Variants in ADGRB3 observed in about 807,000 individuals in gnomAD.
ADGRB3 encodes the protein adhesion G protein-coupled receptor B3.
A neutral mutation model predicts 193.4 loss-of-function variants in ADGRB3; 37 were observed. The observed-to-expected ratio is 0.19, with a 90% CI of 0.15 to 0.25. The LOEUF is 0.25. Among genes scored for constraint, ADGRB3 ranks in the 10% least tolerant of loss-of-function variants. ADGRB3 has a pLI of 1.00. For synonymous variants in ADGRB3, 690 were observed against 644.2 expected (o/e 1.07, Z -1.08); for missense variants, 1,637 against 1,852.9 (o/e 0.88, Z 2.14).
chr6:68,915,139 C>G (rs1766839147), intron 3 of ADGRB3, among the ~76,000 whole-genome samples: 1 of 152,128 alleles, frequency 6.6e-6, no homozygotes, highest in South Asian at 2.1e-4. Context: ...TGTCCTTATA[C>G]TTGAGAGCAT....
chr6:69,303,474 C>T (rs1767994638), intron 20 of ADGRB3, among the ~76,000 whole-genome samples: 1 of 151,774 alleles, frequency 6.6e-6, no homozygotes. Context: ...AGGATGAAGA[C>T]CTTTATGATG....
chr6:68,920,466 C>A (rs929669717), intron 3 of ADGRB3, among the ~76,000 whole-genome samples: 10 of 143,410 alleles, frequency 7.0e-5, no homozygotes, highest in East Asian at 6.2e-4. Context: ...TGCAGTGAGC[C>A]GAGATCCGCC....
chr6:68,991,040 G>A (rs1047948248), intron 10 of ADGRB3, among the ~76,000 whole-genome samples: 6 of 151,966 alleles, frequency 3.9e-5, no homozygotes, highest in Non-Finnish European at 5.9e-5. Context: ...TATTGAGGAA[G>A]AGCAAAAGGA....
At chr6:68,674,353 A>T (rs1027965289) in intron 3 of ADGRB3, among the ~76,000 whole-genome samples, 58 of 152,122 alleles carry the variant, frequency 3.8e-4, no homozygotes, top group South Asian at 6.2e-4. Flanking sequence ...ATAGAAGGGA[A>T]TTTTTTTGCC....
Position 68,835,016 on chromosome 6 carries a change from A to G in ADGRB3, c.758-95543A>G, listed in dbSNP as rs190314011. ...AAAACTATAGAACGTATTTATTTATATAATATCAATTCATAAAATATTTGA... is the reference window on the plus strand; with the variant it reads ...AAAACTATAGAACGTATTTATTTATGTAATATCAATTCATAAAATATTTGA... On this transcript the variant is annotated intron_variant, in intron 3 of 31. Coordinates refer to ENST00000370598, the MANE Select transcript of ADGRB3 (RefSeq NM_001704.3). 1.6e-4 allele frequency among the ~76,000 whole-genome samples: 25 copies of G among 152,308 alleles called. No homozygotes were observed. In the East Asian group the frequency reaches 3.5e-3, roughly 21 times the overall value.
At chr6:68,646,566 T>C (rs1203832296) in intron 3 of ADGRB3, among the ~76,000 whole-genome samples, 1 of 152,078 alleles carries the variant, frequency 6.6e-6, no homozygotes, top group Non-Finnish European at 1.5e-5. Flanking sequence ...ATGATAACAC[T>C]GAATTTTCAT....
intron 16 of ADGRB3, among the ~76,000 whole-genome samples, chr6:69,072,580 A>T (rs1452769801): frequency 1.3e-5 from 2 of 152,152 alleles, no homozygotes; most frequent in East Asian, 3.8e-4. Flanking sequence ...TGAAATATTA[A>T]GCCTATAGTC....
chr6:69,168,864 A>G (rs77435812), intron 17 of ADGRB3, among the ~76,000 whole-genome samples: 3,789 of 152,210 alleles, frequency 0.025, 151 homozygotes, highest in African/African-American at 0.086. Flanking sequence ...ATTGATGTAT[A>G]GTTACACTAC....
intron 17 of ADGRB3, among the ~76,000 whole-genome samples, chr6:69,116,706 G>C (rs528612289): frequency 1.2e-4 from 19 of 152,320 alleles, no homozygotes; most frequent in African/African-American, 3.8e-4. Flanking sequence ...AAAGTTAACA[G>C]TGCTAGGGTA....
At chr6:68,918,328 C>T (rs1205587468) in intron 3 of ADGRB3, among the ~76,000 whole-genome samples, 2 of 152,122 alleles carry the variant, frequency 1.3e-5, no homozygotes, top group Non-Finnish European at 2.9e-5. Context: ...ACTTGGTCAC[C>T]AGCCTTGTAG....
chr6:68,730,942 G>T (rs1765763464), intron 3 of ADGRB3, among the ~76,000 whole-genome samples: 1 of 151,388 alleles, frequency 6.6e-6, no homozygotes, highest in Non-Finnish European at 1.5e-5. Context: ...TGGCTTTCAG[G>T]GTTACATTCA....
chr6:68,825,342 G>T (rs1008829657), intron 3 of ADGRB3, among the ~76,000 whole-genome samples: 2 of 152,036 alleles, frequency 1.3e-5, no homozygotes, highest in Non-Finnish European at 2.9e-5. Context: ...ATTGGCATTT[G>T]CTTTTGCTAG....
chr6:68,845,544 G>T (rs1304262434), intron 3 of ADGRB3, among the ~76,000 whole-genome samples: 1 of 152,180 alleles, frequency 6.6e-6, no homozygotes, highest in Non-Finnish European at 1.5e-5. Flanking sequence ...TTGTGGGAAG[G>T]ACCTAGGGGG....
intron 3 of ADGRB3, among the ~76,000 whole-genome samples, chr6:68,839,949 C>T: frequency 6.6e-6 from 1 of 152,066 alleles, no homozygotes; most frequent in East Asian, 1.9e-4. Context: ...TTAGTCCTTT[C>T]CTTTTACAGT....
intron 30 of ADGRB3, among the ~76,000 whole-genome samples, chr6:69,376,317 C>T (rs1769820748): frequency 6.6e-6 from 1 of 151,720 alleles, no homozygotes. Flanking sequence ...AGGCCAGTCT[C>T]GAACTCTGGG....
chr6:69,031,816 G>T (rs1177829011), intron 13 of ADGRB3, among the ~76,000 whole-genome samples: 2 of 151,520 alleles, frequency 1.3e-5, no homozygotes, highest in South Asian at 2.1e-4. Context: ...GGTATTTTTG[G>T]TAGAGACTGG....
chr6:69,128,626 A>G (rs535075430), intron 17 of ADGRB3, among the ~76,000 whole-genome samples: 34 of 152,280 alleles, frequency 2.2e-4, no homozygotes, highest in Admixed American at 6.5e-4. Flanking sequence ...CAAGCAATCT[A>G]TTTTTAGTAC....
At chr6:69,308,603 CTGTT>C (rs987770811) in intron 20 of ADGRB3, among the ~76,000 whole-genome samples, 2 of 151,600 alleles carry the variant, frequency 1.3e-5, no homozygotes, top group South Asian at 2.1e-4. Flanking sequence ...TTAATTTTGA[CTGTT>C]AGTTGTAGGA....
At chr6:68,684,394 T>TC in intron 3 of ADGRB3, among the ~76,000 whole-genome samples, 1 of 152,212 alleles carries the variant, frequency 6.6e-6, no homozygotes, top group East Asian at 1.9e-4. Flanking sequence ...TTTTTAAAGC[T>TC]CAATTTCCAT....
Sources: gnomAD v4.1 joint callset for allele counts (sites outside exome capture counted in the v4.1 genomes callset) on GRCh38, gnomAD v4.1.1 for gene constraint, MANE v1.5 for transcripts, NCBI Gene and HGNC (gene_info 2026-07-23, HGNC 2026-07-21) for gene names.